SMIM8: variants seen among roughly 807,000 people sequenced by gnomAD.
SMIM8 encodes the protein small integral membrane protein 8.
Under a neutral mutation model 8.1 loss-of-function variants are expected in SMIM8, and 8 were observed. The observed-to-expected ratio is 0.99, with a 90% confidence interval of 0.58 to 1.78. SMIM8 has a LOEUF of 1.78. Ranked by LOEUF, SMIM8 falls within the 40% of genes most tolerant of loss-of-function variation. The pLI, the probability that SMIM8 is intolerant of heterozygous loss-of-function variation, is 0.00. For missense variants in SMIM8, 126 were observed against 119.8 expected, an observed-to-expected ratio of 1.05 and a Z score of -0.24; for synonymous variants, 45 against 39.7, an observed-to-expected ratio of 1.13 and a Z score of -0.50.
At chr6:87,335,977 C>T (rs768475973) in intron 2 of SMIM8, among the ~76,000 whole-genome samples, 2 of 151,628 alleles carry the variant, frequency 1.3e-5, no homozygotes, top group African/African-American at 4.9e-5. Context: ...GCTATGATCA[C>T]GCCACTGCAC....
At chr6:87,328,897 C>T in intron 1 of SMIM8, among the ~76,000 whole-genome samples, 1 of 152,228 alleles carries the variant, frequency 6.6e-6, no homozygotes, top group Non-Finnish European at 1.5e-5. Context: ...TGCTAGCAAT[C>T]AGCCAGACTC....
rs150051963 is a variant in SMIM8, at chr6:87,339,436, TTG to T, written c.136-654_136-653del. ...AGCGTGTGTGTGTGTGTGTGTGTGT[TTG>T]TGTGTGTGTGTGTGTGTGTGTGTGT... is the stretch of plus-strand genomic sequence containing the variant. On this transcript the variant is annotated intron_variant, in intron 3 of 3. Transcript: ENST00000392863. Among the ~76,000 whole-genome samples the T allele has an allele frequency of 5.3e-3, 600 of 113,142 alleles. 6 individuals carry two copies. Among genetic ancestry groups the T allele is most frequent in the East Asian group, 0.019 (75 of 3,904 alleles). 74.2% of individuals were successfully genotyped at this position (113,142 alleles called of 152,430 possible). A position where few individuals can be genotyped will look rare whatever the true frequency, so the allele number is the denominator to read the frequency against.
At chr6:87,323,889 A>G (rs1264532434) in intron 1 of SMIM8, among the ~76,000 whole-genome samples, 1 of 152,140 alleles carries the variant, frequency 6.6e-6, no homozygotes, top group African/African-American at 2.4e-5. Context: ...ACAGGCCACC[A>G]ACAGTGTAAA....
At chr6:87,332,455 G>A (rs1182589092) in intron 2 of SMIM8, among the ~76,000 whole-genome samples, 1 of 148,098 alleles carries the variant, frequency 6.8e-6, no homozygotes, top group Non-Finnish European at 1.5e-5. Context: ...ATATACCCCA[G>A]GAGTGGAGTA....
intron 3 of SMIM8, among the ~76,000 whole-genome samples, chr6:87,339,325 CGT>C (rs59321615): frequency 0.1 from 12,532 of 123,804 alleles, 634 homozygotes; most frequent in Middle Eastern, 0.15. Flanking sequence ...CAAAACACAG[CGT>C]GTGTGTGTGT....
At chr6:87,330,029 T>C (rs913862222) in intron 1 of SMIM8, among the ~76,000 whole-genome samples, 4 of 152,214 alleles carry the variant, frequency 2.6e-5, no homozygotes, top group African/African-American at 9.6e-5. Context: ...ACACAGCTTA[T>C]AAGTAGCAAA....
Position 87,335,750 on chromosome 6 carries a change from C to T in SMIM8, c.-23-1259C>T, listed in dbSNP as rs139337183. ...TAAGTATACAGGCATGGGATCATGCCTGTAATCCCAGCACTTTGGGAGGCA... is the reference window on the plus strand; with the variant it reads ...TAAGTATACAGGCATGGGATCATGCTTGTAATCCCAGCACTTTGGGAGGCA... On this transcript the variant is annotated intron_variant, in intron 2 of 3. Transcript: ENST00000392863. Among the ~76,000 whole-genome samples, 733 of 149,516 alleles carry T rather than the reference C, an allele frequency of 4.9e-3. 1 individual carries two copies. Among genetic ancestry groups the T allele is most frequent in the Middle Eastern group, 0.036 (10 of 280 alleles).
chr6:87,334,695 AGATTGAT>A (rs1777067042), intron 2 of SMIM8, among the ~76,000 whole-genome samples: 1 of 152,242 alleles, frequency 6.6e-6, no homozygotes. Flanking sequence ...GGAAATAAAC[AGATTGAT>A]GATTGGTGTT....
intron 3 of SMIM8, among the ~76,000 whole-genome samples, chr6:87,339,523 G>A (rs191109768): frequency 6.6e-6 from 1 of 151,942 alleles, no homozygotes; most frequent in African/African-American, 2.4e-5. Flanking sequence ...AGTAAATCAA[G>A]GTTAACAGCA....
intron 2 of SMIM8, among the ~76,000 whole-genome samples, chr6:87,332,290 CTT>C (rs1182439194): frequency 1.4e-5 from 2 of 144,676 alleles, no homozygotes; most frequent in East Asian, 2.0e-4. Flanking sequence ...TAGTCTCTCT[CTT>C]TCTCTTTCTC....
chr6:87,327,481 C>T (rs1306295063), intron 1 of SMIM8, among the ~76,000 whole-genome samples: 1 of 151,648 alleles, frequency 6.6e-6, no homozygotes, highest in Non-Finnish European at 1.5e-5. Flanking sequence ...ATTTGCTTGT[C>T]TGTAAAGTAT....
intron 1 of SMIM8, among the ~76,000 whole-genome samples, chr6:87,329,919 A>G (rs1367386038): frequency 6.6e-6 from 1 of 152,210 alleles, no homozygotes; most frequent in African/African-American, 2.4e-5. Flanking sequence ...AAAATGTGTC[A>G]TCTTAATTAA....
intron 2 of SMIM8, among the ~76,000 whole-genome samples, chr6:87,333,581 T>C (rs1777039311): frequency 6.6e-6 from 1 of 152,116 alleles, no homozygotes; most frequent in Non-Finnish European, 1.5e-5. Flanking sequence ...AAAAAAATGG[T>C]AGTAGTGGAA....
Position 87,334,081 on chromosome 6 carries a change from A to G in SMIM8, c.-23-2928A>G, listed in dbSNP as rs115566648. ...GAAGAAGTGTCACACTTAAACAACCAGATCTCACATGAACTCATAGAGTAA... is the reference window on the plus strand; with the variant it reads ...GAAGAAGTGTCACACTTAAACAACCGGATCTCACATGAACTCATAGAGTAA... On this transcript the variant is annotated intron_variant, in intron 2 of 3. Coordinates refer to ENST00000392863, the MANE Select transcript of SMIM8 (RefSeq NM_001042493.3). Among the ~76,000 whole-genome samples, 1,203 of 152,312 alleles carry G rather than the reference A, an allele frequency of 7.9e-3. 19 individuals carry two copies. The highest frequency in any genetic ancestry group is 0.026 in the African/African-American group (1,099 of 41,556).
intron 1 of SMIM8, among the ~76,000 whole-genome samples, chr6:87,325,799 T>G (rs1776804927): frequency 6.6e-6 from 1 of 152,200 alleles, no homozygotes; most frequent in African/African-American, 2.4e-5. Context: ...TTAGGGAGGA[T>G]TCCCTCTTTT....
In SMIM8 at chr6:87,340,151, T is replaced by C; in HGVS notation, c.171T>C (p.Leu57=). The C allele has an allele frequency of 6.2e-7, 1 of 1,602,532 alleles. No homozygotes were observed. Among genetic ancestry groups the C allele is most frequent in the Non-Finnish European group, 8.5e-7 (1 of 1,176,350 alleles). ...KPVMAFGLVT[L]SLCVAYIGYL... ...TAATGGCTTTCGGATTGGTAACTCT[T>C]TCACTTTGCGTGGCATATATTGGTT... Residue 57 remains leucine (L), a synonymous_variant, in exon 4 of 4, where the codon CTT becomes CTC. Coordinates refer to ENST00000392863, the MANE Select transcript of SMIM8 (RefSeq NM_001042493.3).
At chr6:87,339,165 G>T (rs933123000) in intron 3 of SMIM8, among the ~76,000 whole-genome samples, 5 of 152,072 alleles carry the variant, frequency 3.3e-5, no homozygotes, top group African/African-American at 1.2e-4. Context: ...AATTAGCCAG[G>T]CATGGTGTGC....
At chr6:87,325,125 A>G (rs1340134392) in intron 1 of SMIM8, among the ~76,000 whole-genome samples, 1 of 152,182 alleles carries the variant, frequency 6.6e-6, no homozygotes, top group Non-Finnish European at 1.5e-5. Flanking sequence ...TTGTATCCTG[A>G]GACTTTGCTG....
rs576763660 is a variant in SMIM8, at chr6:87,335,840, C to T, written c.-23-1169C>T. 2.6e-3 allele frequency among the ~76,000 whole-genome samples: 337 copies of T among 128,326 alleles called. 3 individuals are homozygous for T. The highest frequency in any genetic ancestry group is 0.01 in the African/African-American group (325 of 32,454). 84.2% of individuals were successfully genotyped at this position (128,326 alleles called of 152,430 possible). A position where few individuals can be genotyped will look rare whatever the true frequency, so the allele number is the denominator to read the frequency against. ...CTGGGCAACATGGCGAGACCCCGTC[C>T]CTACCAAAAAAAAAAAAAAAAAAAA... is the stretch of plus-strand genomic sequence containing the variant. On this transcript the variant is annotated intron_variant, in intron 2 of 3. Transcript: ENST00000392863.
Sources: allele counts gnomAD v4.1 joint callset (sites outside exome capture counted in the v4.1 genomes callset), GRCh38; gene constraint gnomAD v4.1.1; transcripts MANE v1.5; gene names NCBI Gene and HGNC (gene_info 2026-07-23, HGNC 2026-07-21).